The following PLCH1 variants were observed in gnomAD, a reference collection of about 807,000 sequenced individuals.
PLCH1 encodes the protein phospholipase C eta 1.
Under a neutral mutation model 126.7 loss-of-function variants are expected in PLCH1, and 60 were observed. That is an observed-to-expected ratio of 0.47 (90% CI 0.38 to 0.59). PLCH1 has a LOEUF of 0.59. Among genes scored for constraint, PLCH1 ranks in the 20% least tolerant of loss-of-function variants. The probability of loss-of-function intolerance (pLI) is 0.00; values close to 1 mark genes in which losing one functional copy is unlikely to be tolerated. For synonymous variants in PLCH1, 719 were observed against 734.9 expected, an observed-to-expected ratio of 0.98 and a Z score of 0.35; for missense variants, 1,723 against 2,040.0, an observed-to-expected ratio of 0.84 and a Z score of 2.99.
At chr3:155,547,986 A>T (rs1408172631) in intron 10 of PLCH1, among the ~76,000 whole-genome samples, 1 of 151,926 alleles carries the variant, frequency 6.6e-6, no homozygotes. Flanking sequence ...ACATGTATAC[A>T]TATGTAACTA....
chr3:155,641,285 A>C (rs1262423629), intron 2 of PLCH1, among the ~76,000 whole-genome samples: 1 of 151,786 alleles, frequency 6.6e-6, no homozygotes, highest in Non-Finnish European at 1.5e-5. Flanking sequence ...AAATCTTGAT[A>C]ATTCAAGTTT....
chr3:155,554,113 C>A lies in PLCH1; in HGVS notation c.1153G>T (p.Val385Leu), dbSNP rs764305996. The part of the protein sequence containing the change: ...LTSKILFRDV[V>L]ETINKHAFVK... ...AAGGCATGCTTGTTGATGGTCTCCACAACATCTCTGAAGAGAATTTTTGAA... is the reference window on the plus strand; with the variant it reads ...AAGGCATGCTTGTTGATGGTCTCCAAAACATCTCTGAAGAGAATTTTTGAA... Residue 385 changes from valine to leucine, a missense_variant, in exon 9 of 23, where the codon GTG becomes TTG. Physicochemically the swap from Val to Leu is conservative, Grantham distance 32. This residue lies in a region of PLCH1 where 776 missense variants were observed against 1,062.9 expected (regional missense o/e 0.73). Transcript: ENST00000460012. The A allele has an allele frequency of 2.5e-6, 4 of 1,613,952 alleles. No homozygotes were observed. The highest frequency in any genetic ancestry group is 3.4e-6 in the Non-Finnish European group (4 of 1,179,874).
chr3:155,622,528 A>G (rs979600110), intron 2 of PLCH1, among the ~76,000 whole-genome samples: 3 of 152,148 alleles, frequency 2.0e-5, no homozygotes, highest in Non-Finnish European at 4.4e-5. Context: ...TCTCACATGC[A>G]AAAGACACAC....
chr3:155,528,495 T>C (rs1722260276), intron 10 of PLCH1, among the ~76,000 whole-genome samples: 1 of 152,192 alleles, frequency 6.6e-6, no homozygotes, highest in South Asian at 2.1e-4. Flanking sequence ...TCTTCACTTA[T>C]TCAGAATCTG....
chr3:155,516,956 G>A (rs373714917), intron 11 of PLCH1, among the ~76,000 whole-genome samples: 105 of 152,160 alleles, frequency 6.9e-4, no homozygotes, highest in African/African-American at 2.4e-3. Flanking sequence ...GGAATCGGGG[G>A]ACAATTCCAG....
chr3:155,533,371 A>T (rs952931606), intron 10 of PLCH1, among the ~76,000 whole-genome samples: 5 of 151,920 alleles, frequency 3.3e-5, no homozygotes, highest in African/African-American at 1.2e-4. Flanking sequence ...ACATGGTGAA[A>T]CCCCGTTTCT....
chr3:155,490,785 A>G lies in PLCH1; in HGVS notation c.2391T>C (p.Asn797=), dbSNP rs761060057. 11 of 1,529,182 alleles carry G rather than the reference A, an allele frequency of 7.2e-6. No homozygotes were observed. The African/African-American group carries it at 1.2e-4, about 17-fold the overall frequency. The allele number at this position is 1,529,182 out of a possible 1,614,324, so 94.7% of individuals were successfully genotyped here. The change falls in exon 19 of 23, where the codon AAT becomes AAC. Residue 797 remains asparagine, a splice_region_variant and synonymous_variant. Transcript: ENST00000460012. The part of the protein sequence containing the change: ...CKDQTRVVDD[N]GFNPVWEETL... ...AGTGAACACAGATTACCATCTTACC[A>G]TTGTCATCTACCACACGGGTTTGAT... is the stretch of plus-strand genomic sequence containing the variant.
At chr3:155,685,448 G>T (rs1410751887) in intron 2 of PLCH1, among the ~76,000 whole-genome samples, 1 of 152,194 alleles carries the variant, frequency 6.6e-6, no homozygotes, top group Non-Finnish European at 1.5e-5. Context: ...GGTACCAAGG[G>T]AAGGCAGAGC....
intron 2 of PLCH1, among the ~76,000 whole-genome samples, chr3:155,703,546 A>C (rs1407709711): frequency 2.0e-5 from 3 of 152,200 alleles, no homozygotes; most frequent in Admixed American, 1.3e-4. Flanking sequence ...AAAATGACTA[A>C]TATTGATTAC....
chr3:155,516,981 T>C (rs554020435), intron 11 of PLCH1, among the ~76,000 whole-genome samples: 1 of 152,228 alleles, frequency 6.6e-6, no homozygotes, highest in South Asian at 2.1e-4. Context: ...ATAAGAAACC[T>C]GAGTCAAGCC....
Position 155,453,233 on chromosome 3 carries a change from C to G in PLCH1, c.2938+32123G>C, listed in dbSNP as rs148793036. On this transcript the variant is annotated intron_variant, in intron 21 of 21. Coordinates refer to the PLCH1 transcript ENST00000494598. ...GGAACTTTCACAGATGGAAGGAAAT[C>G]AAGAAGATATGTCAATTAAATGCAA... 1.7e-3 allele frequency among the ~76,000 whole-genome samples: 252 copies of G among 152,218 alleles called. 1 individual carries two copies. The highest frequency in any genetic ancestry group is 5.9e-3 in the African/African-American group (244 of 41,550).
intron 1 of PLCH1, among the ~76,000 whole-genome samples, chr3:155,727,422 C>A (rs929637862): frequency 7.0e-6 from 1 of 143,144 alleles, no homozygotes; most frequent in Non-Finnish European, 1.5e-5. Flanking sequence ...GAGTCTCATT[C>A]TTTTGTCCAG....
chr3:155,681,352 A>G (rs548909369), intron 2 of PLCH1, among the ~76,000 whole-genome samples: 1 of 152,318 alleles, frequency 6.6e-6, no homozygotes, highest in African/African-American at 2.4e-5. Context: ...CACATGCCTT[A>G]TTTAATCCTT....
downstream of PLCH1, among the ~76,000 whole-genome samples, chr3:155,475,681 G>A (rs1372339957): frequency 6.6e-6 from 1 of 152,018 alleles, no homozygotes; most frequent in Non-Finnish European, 1.5e-5. Context: ...GCTACCATGA[G>A]CAACTACATG....
At chr3:155,669,670 C>T (rs995812770) in intron 2 of PLCH1, among the ~76,000 whole-genome samples, 3 of 152,020 alleles carry the variant, frequency 2.0e-5, no homozygotes, top group Non-Finnish European at 4.4e-5. Context: ...AAAAGGAATA[C>T]AAAAATGAGA....
intron 2 of PLCH1, among the ~76,000 whole-genome samples, chr3:155,659,074 A>C (rs2108930488): frequency 6.6e-6 from 1 of 152,254 alleles, no homozygotes; most frequent in South Asian, 2.1e-4. Context: ...CTGTTTGGAG[A>C]TGTGTGAAGC....
chr3:155,685,416 T>A (rs1185620835), intron 2 of PLCH1, among the ~76,000 whole-genome samples: 1 of 152,214 alleles, frequency 6.6e-6, no homozygotes, highest in African/African-American at 2.4e-5. Flanking sequence ...CCTAGTGATT[T>A]AGGAAGAGAG....
intron 1 of PLCH1, among the ~76,000 whole-genome samples, chr3:155,714,084 A>G (rs1376713389): frequency 6.6e-6 from 1 of 152,230 alleles, no homozygotes; most frequent in African/African-American, 2.4e-5. Context: ...ACAGGAAGGC[A>G]TAGAAAAACA....
chr3:155,506,771 G>C (rs1464549078), intron 12 of PLCH1, among the ~76,000 whole-genome samples: 1 of 141,560 alleles, frequency 7.1e-6, no homozygotes, highest in African/African-American at 2.7e-5. Context: ...ATTTGGGTTG[G>C]TTCCAAGTCT....
Sources: gnomAD v4.1 joint callset for allele counts (sites outside exome capture counted in the v4.1 genomes callset) on GRCh38, gnomAD v4.1.1 for gene constraint, gnomAD v4.1.1 regional missense constraint, MANE v1.5 for transcripts, NCBI Gene and HGNC (gene_info 2026-07-23, HGNC 2026-07-21) for gene names.